WWC1: variants seen among roughly 807,000 people sequenced by gnomAD.
WWC1 encodes the protein WW and C2 domain containing 1, also known as protein KIBRA.
A neutral mutation model predicts 138.4 loss-of-function variants in WWC1; 55 were observed. That is an observed-to-expected ratio of 0.40 (90% confidence interval 0.32 to 0.50). The LOEUF (loss-of-function observed/expected upper bound fraction) is 0.50. Among genes scored for constraint, WWC1 ranks in the 20% least tolerant of loss-of-function variants. The pLI, the probability that WWC1 is intolerant of heterozygous loss-of-function variation, is 0.72. For missense variants in WWC1, 1,226 were observed against 1,420.4 expected (o/e 0.86, Z 2.20); for synonymous variants, 524 against 564.9 (o/e 0.93, Z 1.03).
intron 1 of WWC1, among the ~76,000 whole-genome samples, chr5:168,355,512 A>C (rs921892521): frequency 1.6e-4 from 25 of 151,876 alleles, no homozygotes; most frequent in East Asian, 3.9e-4. Flanking sequence ...AAAAAAAAAA[A>C]AAAAAAACAG....
Position 168,428,060 on chromosome 5 carries a change from T to C in WWC1, c.1838T>C (p.Leu613Pro). The change falls in exon 12 of 23, where the codon CTG (leucine) becomes CCG (proline). Residue 613 changes from leucine (L) to proline (P), a missense_variant. Leu to Pro is a moderately conservative substitution (Grantham distance 98, BLOSUM62 -3). Transcript: ENST00000265293. Reference protein sequence around the residue: ...QAVNTAQGCGLKVACVSAAVS... With the variant: ...QAVNTAQGCGPKVACVSAAVS... ...GTGAATACGGCCCAGGGGTGTGGCC[T>C]GAAAGTGGCCTGTGTCTCAGCCGCC... The C allele has an allele frequency of 1.2e-6, 2 of 1,613,652 alleles. No homozygotes were observed. The highest frequency in any genetic ancestry group is 1.3e-5 in the African/African-American group (1 of 74,988).
Position 168,423,574 on chromosome 5 carries a change from C to T in WWC1, c.1316C>T (p.Pro439Leu). The T allele has an allele frequency of 6.2e-7, 1 of 1,613,988 alleles. No homozygotes were observed. Among genetic ancestry groups the T allele is most frequent in the African/African-American group, 1.3e-5 (1 of 75,022 alleles). Residue 439 changes from proline (P) to leucine (L), a missense_variant, in exon 11 of 23, where the codon CCC becomes CTC. Pro to Leu is a moderately conservative substitution (Grantham distance 98). Transcript: ENST00000265293. Reference sequence around the variant, plus strand: ...CAGTCCCTGTCCTCAGGCAGCAGCCCCGGATCCCTCACGTCCAGCCGGGGC... The same window carrying T: ...CAGTCCCTGTCCTCAGGCAGCAGCCTCGGATCCCTCACGTCCAGCCGGGGC... ...SMQSLSSGSSPGSLTSSRGSL... is the reference protein window; with the variant it reads ...SMQSLSSGSSLGSLTSSRGSL...
At chr5:168,397,639 T>C (rs552859742) in intron 3 of WWC1, 85 bp from the exon 4 acceptor site, 224 of 1,399,644 alleles carry the variant, frequency 1.6e-4, no homozygotes, top group Admixed American at 1.2e-4. Flanking sequence ...CTTCCCTTTC[T>C]AGGTTTATTT....
intron 17 of WWC1, among the ~76,000 whole-genome samples, chr5:168,445,608 G>A (rs1755177164): frequency 6.7e-6 from 1 of 149,486 alleles, no homozygotes; most frequent in Non-Finnish European, 1.5e-5. Flanking sequence ...GGCTGAGGTG[G>A]GGACAATTGC....
At chr5:168,443,138 C>T (rs1582317734) in intron 16 of WWC1, among the ~76,000 whole-genome samples, 1 of 152,116 alleles carries the variant, frequency 6.6e-6, no homozygotes, top group East Asian at 1.9e-4. Flanking sequence ...ATGATCCTTC[C>T]CTCTCTGTAA....
chr5:168,389,607 T>G (rs71603859), intron 3 of WWC1, among the ~76,000 whole-genome samples: 36,649 of 147,756 alleles, frequency 0.25, 4,774 homozygotes, highest in South Asian at 0.41. Context: ...GTTTTTTTTT[T>G]TTTTTTTTTT....
chr5:168,326,299 C>T (rs1212049017), intron 1 of WWC1, among the ~76,000 whole-genome samples: 2 of 149,336 alleles, frequency 1.3e-5, no homozygotes, highest in African/African-American at 4.9e-5. Flanking sequence ...CTCACCGCAA[C>T]CTCCGCCTCC....
chr5:168,298,806 G>A lies in WWC1; in HGVS notation c.119+6535G>A, dbSNP rs72838329. On this transcript the variant is annotated intron_variant, in intron 1 of 22. Transcript: ENST00000265293. ...ATTTAGAAAGGTTAAGTAACCGGCC[G>A]GGCGCAGTGGCTCACTCCTGTAATT... 5.7e-3 allele frequency among the ~76,000 whole-genome samples: 863 copies of A among 152,270 alleles called. 5 individuals carry two copies. The highest frequency in any genetic ancestry group is 0.017 in the Middle Eastern group (5 of 294).
At chr5:168,361,487 C>G (rs1329088467) in intron 1 of WWC1, among the ~76,000 whole-genome samples, 1 of 152,142 alleles carries the variant, frequency 6.6e-6, no homozygotes, top group Non-Finnish European at 1.5e-5. Context: ...CAGTCTCATT[C>G]GGTATAATAG....
At chr5:168,323,027 G>A (rs1382049413) in intron 1 of WWC1, among the ~76,000 whole-genome samples, 2 of 152,200 alleles carry the variant, frequency 1.3e-5, no homozygotes, top group African/African-American at 4.8e-5. Context: ...AATAGAAACA[G>A]ACCTAGAGAT....
chr5:168,399,512 G>C lies in WWC1; in HGVS notation c.535G>C (p.Val179Leu), dbSNP rs777730934. Residue 179 changes from valine (V) to leucine (L), a missense_variant, in exon 5 of 23, where the codon GTT (valine) becomes CTT (leucine). Physicochemically the swap from Val to Leu is conservative, Grantham distance 32. Coordinates refer to ENST00000265293, the MANE Select transcript of WWC1 (RefSeq NM_015238.3). ...SRVNKLKREM[V>L]HLQHELQFKE... is the part of the protein sequence containing the mutation. ...GGTCAACAAGCTGAAGAGAGAGATGGTTCACCTCCAGCACGAGCTGCAGTT... is the reference window on the plus strand; with the variant it reads ...GGTCAACAAGCTGAAGAGAGAGATGCTTCACCTCCAGCACGAGCTGCAGTT... The C allele has an allele frequency of 6.2e-7, 1 of 1,614,128 alleles. No homozygotes were observed. The highest frequency in any genetic ancestry group is 2.2e-5 in the East Asian group (1 of 44,868).
At chr5:168,326,050 T>A (rs1349492538) in intron 1 of WWC1, among the ~76,000 whole-genome samples, 1 of 152,176 alleles carries the variant, frequency 6.6e-6, no homozygotes, top group East Asian at 1.9e-4. Flanking sequence ...TGCTTTTCTG[T>A]TCCTCTGTCG....
At chr5:168,363,370 A>G (rs1411205788) in intron 1 of WWC1, among the ~76,000 whole-genome samples, 1 of 151,950 alleles carries the variant, frequency 6.6e-6, no homozygotes, top group Non-Finnish European at 1.5e-5. Context: ...CTAAAAGTAC[A>G]AAAATTAGCC....
At chr5:168,444,671 A>G (rs1755079014) in intron 17 of WWC1, 86 bp downstream of exon 17, 1 of 1,447,122 alleles carries the variant, frequency 6.9e-7, no homozygotes, top group African/African-American at 1.4e-5. Context: ...AGTGCAACTA[A>G]GAGAAGGGTT....
chr5:168,348,420 CG>C (rs1774660175), intron 1 of WWC1, among the ~76,000 whole-genome samples: 1 of 152,204 alleles, frequency 6.6e-6, no homozygotes, highest in African/African-American at 2.4e-5. Flanking sequence ...AATCCACAGC[CG>C]GATGGGAAGA....
intron 2 of WWC1, among the ~76,000 whole-genome samples, chr5:168,376,610 A>T (rs10866626): frequency 0.26 from 38,974 of 152,118 alleles, 5,181 homozygotes; most frequent in South Asian, 0.45. Context: ...ATGTAAAAAA[A>T]TCAATAGCAT....
At position 168,464,013 on chromosome 5, in the gene WWC1, A is replaced by G. The variant is rs77595772; in HGVS notation, c.2917-716A>G. On this transcript the variant is annotated intron_variant, in intron 20 of 22. Coordinates refer to ENST00000265293, the MANE Select transcript of WWC1 (RefSeq NM_015238.3). ...TGAGTATTAATGGCTGGGCTTTGAT[A>G]ACATGCTTACCTCTGAACCTGTCAC... is the stretch of plus-strand genomic sequence containing the variant. Among the ~76,000 whole-genome samples, 2,481 of 152,270 alleles carry G rather than the reference A, an allele frequency of 0.016. 158 individuals are homozygous for G. In the East Asian group the frequency reaches 0.21, roughly 13 times the overall value.
chr5:168,439,040 C>A (rs1264504380), intron 15 of WWC1, among the ~76,000 whole-genome samples: 1 of 152,128 alleles, frequency 6.6e-6, no homozygotes, highest in Non-Finnish European at 1.5e-5. Flanking sequence ...TCCATTATTT[C>A]TTGTGCACAT....
chr5:168,304,765 T>C (rs924380615), intron 1 of WWC1, among the ~76,000 whole-genome samples: 5 of 152,122 alleles, frequency 3.3e-5, no homozygotes, highest in Admixed American at 1.3e-4. Flanking sequence ...CTGGCCAGGA[T>C]TGCAGAATCG....
Sources: gnomAD v4.1 joint callset for allele counts (sites outside exome capture counted in the v4.1 genomes callset) on GRCh38, gnomAD v4.1.1 for gene constraint, MANE v1.5 for transcripts, NCBI Gene and HGNC (gene_info 2026-07-23, HGNC 2026-07-21) for gene names.